The following LCLAT1 variants were observed in gnomAD, a reference collection of about 807,000 sequenced individuals.
LCLAT1 encodes lysocardiolipin acyltransferase 1.
Under a neutral mutation model 30.7 loss-of-function variants are expected in LCLAT1, and 11 were observed. The observed-to-expected ratio is 0.36, with a 90% CI of 0.23 to 0.59. The LOEUF is 0.59. Among genes scored for constraint, LCLAT1 ranks in the 20% least tolerant of loss-of-function variants. LCLAT1 has a pLI of 0.77. For missense variants in LCLAT1, 402 were observed against 458.6 expected, an observed-to-expected ratio of 0.88 and a Z score of 1.13; for synonymous variants, 155 against 151.3, an observed-to-expected ratio of 1.02 and a Z score of -0.18.
At chr2:30,584,295 T>C (rs965388076) in intron 5 of LCLAT1, among the ~76,000 whole-genome samples, 1 of 152,250 alleles carries the variant, frequency 6.6e-6, no homozygotes, top group Non-Finnish European at 1.5e-5. Flanking sequence ...TTGACTACCC[T>C]GTTCTTGCTT....
intron 1 of LCLAT1, among the ~76,000 whole-genome samples, chr2:30,523,392 G>A (rs1685567479): frequency 6.6e-6 from 1 of 152,008 alleles, no homozygotes; most frequent in African/African-American, 2.4e-5. Context: ...CCCCATGTGT[G>A]AGCTCTGGGA....
At chr2:30,463,442 C>T (rs746213427) in intron 1 of LCLAT1, among the ~76,000 whole-genome samples, 7 of 152,102 alleles carry the variant, frequency 4.6e-5, no homozygotes, top group Non-Finnish European at 8.8e-5. Context: ...CTTCACTTCA[C>T]GGGTCATGTC....
intron 3 of LCLAT1, 24 bp from the exon 4 acceptor site, chr2:30,562,122 A>G: frequency 6.4e-7 from 1 of 1,561,642 alleles, no homozygotes; most frequent in Non-Finnish European, 8.7e-7. Context: ...TTATAGGTAA[A>G]TTTTATTGTT....
chr2:30,528,887 G>T (rs912712131), intron 2 of LCLAT1, among the ~76,000 whole-genome samples: 4 of 152,104 alleles, frequency 2.6e-5, no homozygotes, highest in Non-Finnish European at 5.9e-5. Flanking sequence ...TTATAGCTAG[G>T]TTACAGAAAA....
intron 5 of LCLAT1, among the ~76,000 whole-genome samples, chr2:30,604,558 T>C (rs1304346917): frequency 6.6e-6 from 1 of 150,642 alleles, no homozygotes; most frequent in African/African-American, 2.4e-5. Flanking sequence ...AATAAAATTA[T>C]ACTTTCGCTT....
chr2:30,507,330 A>G lies in LCLAT1; in HGVS notation c.-4-18257A>G, dbSNP rs74454037. The stretch of plus-strand genomic sequence containing the variant: ...GATGTCTTTTCAAATTTTTTATTAA[A>G]TATTTTTATTTAAGTTCAGGTTTAC... On this transcript the variant is annotated intron_variant, in intron 1 of 5. Coordinates refer to ENST00000379509, the MANE Select transcript of LCLAT1 (RefSeq NM_001002257.3). 1.7e-3 allele frequency among the ~76,000 whole-genome samples: 259 copies of G among 152,268 alleles called. 1 individual carries two copies. The highest frequency in any genetic ancestry group is 5.8e-3 in the African/African-American group (241 of 41,560).
chr2:30,479,195 G>A (rs1683204085), intron 1 of LCLAT1, among the ~76,000 whole-genome samples: 1 of 152,032 alleles, frequency 6.6e-6, no homozygotes, highest in Non-Finnish European at 1.5e-5. Flanking sequence ...GCAGCCAGAT[G>A]CAGTAGAGTA....
chr2:30,509,650 C>T (rs1047281364), intron 1 of LCLAT1, among the ~76,000 whole-genome samples: 4 of 151,774 alleles, frequency 2.6e-5, no homozygotes, highest in Non-Finnish European at 4.4e-5. Context: ...ACTGCAACCT[C>T]TGCCTCCTGG....
At chr2:30,536,625 GATTA>G in intron 3 of LCLAT1, among the ~76,000 whole-genome samples, 1 of 152,142 alleles carries the variant, frequency 6.6e-6, no homozygotes, top group Non-Finnish European at 1.5e-5. Flanking sequence ...TAAGAGAAAT[GATTA>G]ATTACTTCTG....
chr2:30,500,596 A>G (rs1684327513), intron 1 of LCLAT1, among the ~76,000 whole-genome samples: 1 of 152,218 alleles, frequency 6.6e-6, no homozygotes, highest in South Asian at 2.1e-4. Context: ...AAAATACTTT[A>G]TACATAGCAG....
intron 1 of LCLAT1, among the ~76,000 whole-genome samples, chr2:30,453,727 T>TG (rs1681679576): frequency 3.3e-5 from 5 of 151,702 alleles, no homozygotes; most frequent in Non-Finnish European, 5.9e-5. Context: ...TCTGTAGGTT[T>TG]TCTTTGATGA....
intron 2 of LCLAT1, among the ~76,000 whole-genome samples, chr2:30,527,445 T>G (rs1685772417): frequency 6.6e-6 from 1 of 152,240 alleles, no homozygotes; most frequent in Non-Finnish European, 1.5e-5. Context: ...CACACATTTT[T>G]GTTGAATCTT....
At chr2:30,502,432 A>T (rs768049007) in intron 1 of LCLAT1, among the ~76,000 whole-genome samples, 11 of 152,094 alleles carry the variant, frequency 7.2e-5, no homozygotes, top group Non-Finnish European at 1.5e-4. Context: ...TTGTTTTTAG[A>T]CTGTTCACAG....
At chr2:30,483,400 C>G (rs1411811403) in intron 1 of LCLAT1, among the ~76,000 whole-genome samples, 1 of 152,142 alleles carries the variant, frequency 6.6e-6, no homozygotes, top group Non-Finnish European at 1.5e-5. Flanking sequence ...ATTTTTATAA[C>G]CATCTTTAGA....
chr2:30,464,453 T>C (rs1213652046), intron 1 of LCLAT1, among the ~76,000 whole-genome samples: 1 of 152,206 alleles, frequency 6.6e-6, no homozygotes, highest in Admixed American at 6.5e-5. Flanking sequence ...CTCAAATTTA[T>C]TTAAAAACTT....
At chr2:30,490,713 T>G (rs1380645778) in intron 1 of LCLAT1, among the ~76,000 whole-genome samples, 1 of 152,232 alleles carries the variant, frequency 6.6e-6, no homozygotes, top group East Asian at 1.9e-4. Flanking sequence ...CTTACTTGTT[T>G]TCAACAAATT....
intron 5 of LCLAT1, chr2:30,606,117 A>G (rs1447432136): frequency 4.3e-6 from 4 of 924,270 alleles, no homozygotes; most frequent in Non-Finnish European, 6.0e-6. Flanking sequence ...AAAACACTCC[A>G]TGCTCATGGA....
chr2:30,572,320 T>TA (rs1188435125), intron 5 of LCLAT1, among the ~76,000 whole-genome samples: 2 of 152,210 alleles, frequency 1.3e-5, no homozygotes, highest in African/African-American at 4.8e-5. Context: ...ATCTAACACT[T>TA]ATCAAGTTCT....
At chr2:30,473,883 T>G (rs1682918833) in intron 1 of LCLAT1, among the ~76,000 whole-genome samples, 1 of 152,220 alleles carries the variant, frequency 6.6e-6, no homozygotes, top group East Asian at 1.9e-4. Flanking sequence ...GGGATTGATT[T>G]TCAAAACCCA....
Sources: allele counts gnomAD v4.1 joint callset (sites outside exome capture counted in the v4.1 genomes callset), GRCh38; gene constraint gnomAD v4.1.1; transcripts MANE v1.5; gene names NCBI Gene and HGNC (gene_info 2026-07-23, HGNC 2026-07-21).